The following CSGALNACT2 variants were observed in gnomAD, a reference collection of about 807,000 sequenced individuals.
The protein encoded by CSGALNACT2 is beta 4 GalNAcT-2.
Under a neutral mutation model 55.3 loss-of-function variants are expected in CSGALNACT2, and 35 were observed. The observed-to-expected ratio is 0.63, with a 90% confidence interval of 0.48 to 0.84. CSGALNACT2 has a LOEUF of 0.84. Ranked by LOEUF, CSGALNACT2 falls within the 40% of genes least tolerant of loss-of-function variation. CSGALNACT2 has a pLI of 0.00. For missense variants in CSGALNACT2, 544 were observed against 657.5 expected (o/e 0.83, Z 1.89); for synonymous variants, 196 against 224.9 (o/e 0.87, Z 1.15).
intron 1 of CSGALNACT2, among the ~76,000 whole-genome samples, chr10:43,150,573 G>A (rs1429732027): frequency 1.1e-4 from 16 of 152,154 alleles, no homozygotes; most frequent in Admixed American, 1.0e-3. Context: ...AGTTTTCAAA[G>A]AGTAATCTGT....
chr10:43,153,086 C>T (rs1468420542), intron 1 of CSGALNACT2, among the ~76,000 whole-genome samples: 2 of 151,724 alleles, frequency 1.3e-5, no homozygotes, highest in African/African-American at 2.4e-5. Flanking sequence ...TGGCCAGGCG[C>T]GGTGGCTAAT....
Position 43,183,420 on chromosome 10 carries a change from A to G in CSGALNACT2, c.1507A>G (p.Ile503Val), listed in dbSNP as rs1327678811. 1 of 1,614,212 alleles carries G rather than the reference A, an allele frequency of 6.2e-7. No homozygotes were observed. ...ELTPEQYRMCIQSKAMNEASH... is the reference protein window; with the variant it reads ...ELTPEQYRMCVQSKAMNEASH... ...GACCCCCGAGCAGTACCGCATGTGCATCCAGTCTAAAGCCATGAATGAGGC... is the reference window on the plus strand; with the variant it reads ...GACCCCCGAGCAGTACCGCATGTGCGTCCAGTCTAAAGCCATGAATGAGGC... Residue 503 changes from isoleucine (I) to valine (V), a missense_variant, in exon 8 of 8, where the codon ATC becomes GTC. Ile to Val is a conservative substitution (Grantham distance 29). This residue lies in a region of CSGALNACT2 where 170 missense variants were observed against 256.2 expected (regional missense o/e 0.66). Transcript: ENST00000374466.
rs1459088768 is a variant in CSGALNACT2, at chr10:43,155,634, G to T, written c.485G>T (p.Gly162Val). The T allele has an allele frequency of 8.1e-6, 13 of 1,614,046 alleles. No individual in the cohort carries two copies. The highest frequency in any genetic ancestry group is 1.3e-5 in the African/African-American group (1 of 74,914). Residue 162 changes from glycine (G) to valine (V), a missense_variant, in exon 2 of 8, where the codon GGT (glycine) becomes GTT (valine). This residue lies in a region of CSGALNACT2 where 374 missense variants were observed against 401.3 expected (regional missense o/e 0.93). Coordinates refer to ENST00000374466, the MANE Select transcript of CSGALNACT2 (RefSeq NM_018590.5). ...TLMKVFQLEM[G>V]LTRHPEEKPV... ...ATGAAAGTATTTCAATTGGAAATGGGTCTCACTCGCCATCCTGAAGAAAAG... is the reference window on the plus strand; with the variant it reads ...ATGAAAGTATTTCAATTGGAAATGGTTCTCACTCGCCATCCTGAAGAAAAG...
intron 1 of CSGALNACT2, among the ~76,000 whole-genome samples, chr10:43,141,105 G>A (rs535422870): frequency 7.2e-5 from 11 of 152,310 alleles, no homozygotes; most frequent in African/African-American, 1.2e-4. Context: ...AGGGCCAGGT[G>A]TGGTGGCTCA....
chr10:43,169,263 A>T (rs1243765443), intron 6 of CSGALNACT2, among the ~76,000 whole-genome samples: 1 of 152,260 alleles, frequency 6.6e-6, no homozygotes, highest in African/African-American at 2.4e-5. Flanking sequence ...ACAATACTTG[A>T]AACAAAAGTG....
chr10:43,165,384 GGTTA>G (rs1039272400), intron 5 of CSGALNACT2, among the ~76,000 whole-genome samples: 1 of 151,002 alleles, frequency 6.6e-6, no homozygotes, highest in African/African-American at 2.4e-5. Flanking sequence ...AAAAAAAAAA[GGTTA>G]ATTATGTGAG....
chr10:43,168,864 G>A (rs1174858981), intron 6 of CSGALNACT2, among the ~76,000 whole-genome samples: 2 of 152,234 alleles, frequency 1.3e-5, no homozygotes, highest in Non-Finnish European at 2.9e-5. Flanking sequence ...GTTAGCAGCC[G>A]TAAGTCTTGA....
intron 2 of CSGALNACT2, among the ~76,000 whole-genome samples, chr10:43,156,325 T>C (rs930458534): frequency 1.3e-5 from 2 of 152,318 alleles, no homozygotes; most frequent in Middle Eastern, 3.4e-3. Flanking sequence ...GAAATACCTG[T>C]TTTCCTAATA....
At chr10:43,164,119 G>A in intron 5 of CSGALNACT2, 75 bp downstream of exon 5, 1 of 1,244,502 alleles carries the variant, frequency 8.0e-7, no homozygotes, top group African/African-American at 1.5e-5. Flanking sequence ...TTTGAATCAA[G>A]TGATTTTGAG....
chr10:43,179,706 A>C (rs1304320682), intron 7 of CSGALNACT2, among the ~76,000 whole-genome samples: 2 of 152,104 alleles, frequency 1.3e-5, no homozygotes, highest in African/African-American at 4.8e-5. Flanking sequence ...TAGTTTTTGC[A>C]GCAAGTCTTT....
rs548005339 is a variant in CSGALNACT2 at position 43,150,666 on chromosome 10, G to A, written c.-253-4231G>A. Among the ~76,000 whole-genome samples, 8 of 152,220 alleles carry A rather than the reference G, an allele frequency of 5.3e-5. No homozygotes were observed. In the South Asian group the frequency reaches 1.7e-3, roughly 32 times the overall value. On this transcript the variant is annotated intron_variant, in intron 1 of 7. Transcript: ENST00000374466. ...GATTTTCTCTTTACATTGGATTTGA[G>A]CAATTTGATTATCATGTACCTTGCT... is the stretch of plus-strand genomic sequence containing the variant.
chr10:43,153,897 A>T (rs975467770), intron 1 of CSGALNACT2, among the ~76,000 whole-genome samples: 4 of 152,194 alleles, frequency 2.6e-5, no homozygotes, highest in Admixed American at 2.6e-4. Context: ...TTTTTTCTTT[A>T]TATAGACTCC....
intron 7 of CSGALNACT2, 94 bp from the exon 8 acceptor site, chr10:43,183,156 C>A: frequency 1.0e-6 from 1 of 988,722 alleles, no homozygotes; most frequent in Non-Finnish European, 1.6e-6. Context: ...ACCATCCCAT[C>A]CCTTTTGAAG....
chr10:43,146,344 G>A (rs958063982), intron 1 of CSGALNACT2, among the ~76,000 whole-genome samples: 1 of 152,186 alleles, frequency 6.6e-6, no homozygotes. Context: ...TCCAGCATGG[G>A]AGAAAGATGA....
chr10:43,160,814 CTG>C (rs1839130811), intron 4 of CSGALNACT2, among the ~76,000 whole-genome samples: 5 of 152,304 alleles, frequency 3.3e-5, no homozygotes, highest in African/African-American at 1.2e-4. Context: ...GATGCTTTCT[CTG>C]TGGCCCACTC....
chr10:43,157,767 A>T (rs988274846), intron 2 of CSGALNACT2, among the ~76,000 whole-genome samples: 3 of 151,984 alleles, frequency 2.0e-5, no homozygotes, highest in African/African-American at 7.3e-5. Flanking sequence ...GCAGTGGCTC[A>T]CTCCTGTAAT....
At chr10:43,181,309 G>A (rs2133159967) in intron 7 of CSGALNACT2, among the ~76,000 whole-genome samples, 1 of 152,310 alleles carries the variant, frequency 6.6e-6, no homozygotes, top group South Asian at 2.1e-4. Flanking sequence ...TGAGGGCAGT[G>A]GTTTACCCTG....
At chr10:43,174,394 C>G (rs914891280) in intron 6 of CSGALNACT2, among the ~76,000 whole-genome samples, 1 of 152,128 alleles carries the variant, frequency 6.6e-6, no homozygotes, top group African/African-American at 2.4e-5. Context: ...TTCCTGCTAT[C>G]TGCAGGAATT....
chr10:43,160,499 T>C lies in CSGALNACT2; in HGVS notation c.884T>C (p.Val295Ala), dbSNP rs1329402651. The C allele has an allele frequency of 8.5e-6, 13 of 1,523,660 alleles. No homozygotes were observed. The highest frequency in any genetic ancestry group is 1.0e-5 in the Non-Finnish European group (11 of 1,102,318). 94.4% of individuals were successfully genotyped at this position (1,523,660 alleles called of 1,614,324 possible). ...FVQFMQNFRD[V>A]CIHQDKKIHL... ...TTATTTTTCACTTCTGTTAGGGATG[T>C]TTGTATTCATCAAGACAAGAAGATT... Residue 295 changes from valine (V) to alanine (A), a missense_variant, in exon 4 of 8, where the codon GTT becomes GCT. By Grantham distance (64) the Val-to-Ala change is moderately conservative (BLOSUM62 0). This residue lies in a region of CSGALNACT2 where 374 missense variants were observed against 401.3 expected (regional missense o/e 0.93). Coordinates refer to ENST00000374466, the MANE Select transcript of CSGALNACT2 (RefSeq NM_018590.5).
Sources: allele counts gnomAD v4.1 joint callset (sites outside exome capture counted in the v4.1 genomes callset), GRCh38; gene constraint gnomAD v4.1.1; regional missense constraint gnomAD v4.1.1; transcripts MANE v1.5; gene names NCBI Gene and HGNC (gene_info 2026-07-23, HGNC 2026-07-21).